Variants in WWOX observed in about 807,000 individuals in gnomAD.
WWOX encodes WW domain containing oxidoreductase, also known as WW domain-containing oxidoreductase.
In WWOX, 69 loss-of-function variants were observed where a neutral mutation model predicts 46.2. The ratio of observed to expected loss-of-function variants is 1.49; its 90% CI spans 1.23 to 1.82. WWOX has a LOEUF of 1.82. Ranked by LOEUF, WWOX falls within the 40% of genes most tolerant of loss-of-function variation. WWOX has a pLI of 0.00. For missense variants in WWOX, 919 were observed against 542.6 expected (o/e 1.69, Z -6.89); for synonymous variants, 359 against 202.6 (o/e 1.77, Z -6.56).
At chr16:78,433,612 A>C (rs963508670) in intron 8 of WWOX, among the ~76,000 whole-genome samples, 1 of 152,086 alleles carries the variant, frequency 6.6e-6, no homozygotes, top group Non-Finnish European at 1.5e-5. Flanking sequence ...ACAGGCCTTC[A>C]CAGTTGGACC....
At chr16:78,452,820 C>T (rs1331891416) in intron 8 of WWOX, among the ~76,000 whole-genome samples, 4 of 149,248 alleles carry the variant, frequency 2.7e-5, no homozygotes, top group Admixed American at 6.6e-5. Context: ...TTCTGTTTTT[C>T]TACATTCCGT....
intron 8 of WWOX, among the ~76,000 whole-genome samples, chr16:78,722,886 A>G (rs879608858): frequency 3.3e-5 from 5 of 151,988 alleles, no homozygotes; most frequent in African/African-American, 9.7e-5. Context: ...TACAAAAAGT[A>G]TAAAAATTAG....
chr16:79,148,990 A>T (rs1369088719), intron 8 of WWOX, among the ~76,000 whole-genome samples: 1 of 152,136 alleles, frequency 6.6e-6, no homozygotes, highest in African/African-American at 2.4e-5. Context: ...ATGCAAATAG[A>T]GAATTTTATT....
intron 8 of WWOX, among the ~76,000 whole-genome samples, chr16:79,017,797 A>G (rs143178366): frequency 0.022 from 3,383 of 152,262 alleles, 59 homozygotes; most frequent in Non-Finnish European, 0.033. Context: ...CATTATTTGC[A>G]TAACAAATTA....
chr16:78,465,725 A>T (rs999057384), intron 8 of WWOX, among the ~76,000 whole-genome samples: 2 of 152,216 alleles, frequency 1.3e-5, no homozygotes, highest in Non-Finnish European at 2.9e-5. Flanking sequence ...GCCCAGGTAA[A>T]TAATACCCAC....
At chr16:79,034,058 G>T (rs2047818754) in intron 8 of WWOX, among the ~76,000 whole-genome samples, 1 of 152,202 alleles carries the variant, frequency 6.6e-6, no homozygotes, top group African/African-American at 2.4e-5. Context: ...CTGTGGCTGT[G>T]CCCACGTGGT....
intron 5 of WWOX, among the ~76,000 whole-genome samples, chr16:78,226,096 A>G (rs955323235): frequency 1.3e-5 from 2 of 152,216 alleles, no homozygotes; most frequent in African/African-American, 2.4e-5. Context: ...TCAGTTGTTT[A>G]TTCTTCAGCA....
intron 8 of WWOX, among the ~76,000 whole-genome samples, chr16:78,558,835 G>C (rs963437712): frequency 6.6e-6 from 1 of 152,194 alleles, no homozygotes; most frequent in Non-Finnish European, 1.5e-5. Context: ...CGGAAGACTT[G>C]CCTGAATCCT....
chr16:78,958,607 C>G (rs2046215495), intron 8 of WWOX, among the ~76,000 whole-genome samples: 1 of 152,334 alleles, frequency 6.6e-6, no homozygotes, highest in African/African-American at 2.4e-5. Flanking sequence ...CTCTCTCCCA[C>G]TAGAAATGCG....
At chr16:78,825,273 G>A (rs1177447715) in intron 8 of WWOX, 1 of 280,598 alleles carries the variant, frequency 3.6e-6, no homozygotes, top group Non-Finnish European at 7.2e-6. Context: ...ATGGTGTGCA[G>A]CAGCATGATG....
chr16:78,151,043 ATT>A (rs10629101), intron 4 of WWOX, among the ~76,000 whole-genome samples: 3 of 140,888 alleles, frequency 2.1e-5, no homozygotes, highest in African/African-American at 2.6e-5. Flanking sequence ...GTGCTCCACA[ATT>A]TTTTTTTTTT....
At chr16:78,430,893 C>A (rs917422471) in intron 7 of WWOX, among the ~76,000 whole-genome samples, 1 of 152,160 alleles carries the variant, frequency 6.6e-6, no homozygotes, top group Non-Finnish European at 1.5e-5. Context: ...CTTAGCCCAA[C>A]CTGAGCTGCT....
intron 8 of WWOX, among the ~76,000 whole-genome samples, chr16:79,035,954 C>A (rs184720444): frequency 5.3e-4 from 80 of 152,326 alleles, no homozygotes; most frequent in African/African-American, 1.9e-3. Flanking sequence ...GAAGGCCATG[C>A]CTACATTGCC....
chr16:79,212,289 G>C lies in WWOX; in HGVS notation c.*493G>C. On this transcript the variant is annotated 3_prime_UTR_variant, in exon 9 of 9. Transcript: ENST00000566780. Reference sequence around the variant, plus strand: ...ATTCATCCTGACCAAGACTGAGCCAGCTTAGCAACTGCTGGGGAGACAAAT... The same window carrying C: ...ATTCATCCTGACCAAGACTGAGCCACCTTAGCAACTGCTGGGGAGACAAAT... 2 of 1,075,426 alleles carry C rather than the reference G, an allele frequency of 1.9e-6. No homozygotes were observed. The highest frequency in any genetic ancestry group is 2.6e-6 in the Non-Finnish European group (2 of 775,396). The allele number at this position is 1,075,426 out of a possible 1,614,324, so 66.6% of individuals were successfully genotyped here.
At chr16:78,317,614 C>G (rs149844811) in intron 5 of WWOX, among the ~76,000 whole-genome samples, 1 of 152,116 alleles carries the variant, frequency 6.6e-6, no homozygotes, top group East Asian at 1.9e-4. Flanking sequence ...CACACACTTG[C>G]GTAAAGTGAG....
At chr16:79,077,137 C>T (rs1266597914) in intron 8 of WWOX, among the ~76,000 whole-genome samples, 6 of 152,252 alleles carry the variant, frequency 3.9e-5, no homozygotes, top group Non-Finnish European at 1.5e-5. Context: ...CCCCTAAGCC[C>T]GTGCTTTGTA....
At chr16:79,141,421 C>T (rs370277997) in intron 8 of WWOX, among the ~76,000 whole-genome samples, 145 of 152,304 alleles carry the variant, frequency 9.5e-4, no homozygotes, top group African/African-American at 3.2e-3. Flanking sequence ...CATCCTCAAC[C>T]TTGGCAAAAT....
At chr16:79,045,078 C>G (rs1427316595) in intron 8 of WWOX, among the ~76,000 whole-genome samples, 2 of 152,212 alleles carry the variant, frequency 1.3e-5, no homozygotes, top group Non-Finnish European at 2.9e-5. Context: ...TCAATCTCTC[C>G]AAATGTTAGA....
At chr16:78,638,391 G>A (rs896053498) in intron 8 of WWOX, among the ~76,000 whole-genome samples, 2 of 151,984 alleles carry the variant, frequency 1.3e-5, no homozygotes, top group African/African-American at 2.4e-5. Flanking sequence ...CTCTGGCTGG[G>A]TCTGCCTTTC....
Sources: gnomAD v4.1 joint callset for allele counts (sites outside exome capture counted in the v4.1 genomes callset) on GRCh38, gnomAD v4.1.1 for gene constraint, MANE v1.5 for transcripts, NCBI Gene and HGNC (gene_info 2026-07-23, HGNC 2026-07-21) for gene names.